OTUD7B: variants seen among roughly 807,000 people sequenced by gnomAD.
The protein encoded by OTUD7B is OTU domain-containing protein 7B.
OTUD7B carries 34 observed loss-of-function variants against 82.2 expected under a neutral mutation model. The ratio of observed to expected loss-of-function variants is 0.41; its 90% CI spans 0.31 to 0.55. OTUD7B has a LOEUF of 0.55. Among genes scored for constraint, OTUD7B ranks in the 20% least tolerant of loss-of-function variants. OTUD7B has a pLI of 0.20. For synonymous variants in OTUD7B, 398 were observed against 402.7 expected (o/e 0.99, Z 0.14); for missense variants, 944 against 1,062.1 (o/e 0.89, Z 1.55).
the OTUD7B span, among the ~76,000 whole-genome samples, chr1:150,037,605 T>G: frequency 1.1e-3 from 175 of 152,256 alleles, no homozygotes; most frequent in African/African-American, 4.0e-3. Context: ...TTTTTTTATT[T>G]TCTAGATTGA....
Position 149,944,304 on chromosome 1 carries a change from G to A in OTUD7B, c.2085C>T (p.Asp695=), listed in dbSNP as rs369120563. The change falls in exon 12 of 12, where the codon GAC becomes GAT. Residue 695 remains aspartate (D), a synonymous_variant. Coordinates refer to ENST00000581312, the MANE Select transcript of OTUD7B (RefSeq NM_020205.4). ...CCCCAGACGGCCGAGGGATAGTAAA[G>A]TCCCCAGGGTAGCCAGTGGAAAATG... ...AMAFSTGYPG[D]FTIPRPSGGG... is the part of the protein sequence containing the mutation. The A allele has an allele frequency of 1.2e-6, 2 of 1,610,786 alleles. No homozygotes were observed. Among genetic ancestry groups the A allele is most frequent in the African/African-American group, 2.7e-5 (2 of 74,972 alleles).
intron 11 of OTUD7B, 114 bp downstream of exon 11, chr1:149,947,136 GA>G (rs1647815569): frequency 3.4e-6 from 2 of 581,664 alleles, no homozygotes; most frequent in Non-Finnish European, 3.2e-6. Flanking sequence ...TTCTAACCTT[GA>G]ATTGTAAGCC....
intron 2 of OTUD7B, among the ~76,000 whole-genome samples, chr1:149,974,536 T>TC (rs1394686467): frequency 6.8e-6 from 1 of 147,422 alleles, no homozygotes; most frequent in African/African-American, 2.5e-5. Context: ...TTTCTTCTTT[T>TC]TTTTTCTTAG....
intron 1 of OTUD7B, among the ~76,000 whole-genome samples, chr1:150,005,692 C>A: frequency 6.6e-6 from 1 of 151,050 alleles, no homozygotes. Flanking sequence ...TACTTTCAAA[C>A]AACTTTCCTA....
chr1:149,985,991 A>C (rs1651107198), intron 1 of OTUD7B, among the ~76,000 whole-genome samples: 1 of 152,014 alleles, frequency 6.6e-6, no homozygotes, highest in African/African-American at 2.4e-5. Flanking sequence ...CATTTGCAAA[A>C]GTTCTCTGAC....
chr1:150,046,854 T>C, the OTUD7B span, among the ~76,000 whole-genome samples: 4 of 151,756 alleles, frequency 2.6e-5, no homozygotes, highest in Admixed American at 2.6e-4. Flanking sequence ...GCAGATCACT[T>C]GAGGTCAGGA....
At chr1:150,040,759 G>A in the OTUD7B span, among the ~76,000 whole-genome samples, 1 of 148,630 alleles carries the variant, frequency 6.7e-6, no homozygotes, top group Non-Finnish European at 1.5e-5. Context: ...GCCCAGGCTG[G>A]AGTGCAATGG....
At chr1:149,994,899 T>A (rs1559862139) in intron 1 of OTUD7B, among the ~76,000 whole-genome samples, 1 of 152,178 alleles carries the variant, frequency 6.6e-6, no homozygotes. Flanking sequence ...TCCCTGTAAA[T>A]TATCCCCTTA....
At chr1:150,004,980 A>C (rs1553785772) in intron 1 of OTUD7B, among the ~76,000 whole-genome samples, 1 of 152,054 alleles carries the variant, frequency 6.6e-6, no homozygotes, top group South Asian at 2.1e-4. Flanking sequence ...CTCCTGCCTC[A>C]GCCTCCTGAG....
chr1:150,039,332 C>T, the OTUD7B span, among the ~76,000 whole-genome samples: 9 of 151,972 alleles, frequency 5.9e-5, no homozygotes, highest in African/African-American at 2.2e-4. Flanking sequence ...TTACCATAAT[C>T]ATAAGACTGA....
At chr1:150,028,916 T>C in the OTUD7B span, among the ~76,000 whole-genome samples, 13 of 152,232 alleles carry the variant, frequency 8.5e-5, no homozygotes, top group Non-Finnish European at 1.5e-4. Flanking sequence ...CCTAGCATAA[T>C]GTCCTCAAGG....
intron 11 of OTUD7B, 115 bp from the exon 12 acceptor site, chr1:149,945,180 T>C (rs1269090034): frequency 3.6e-6 from 5 of 1,372,586 alleles, no homozygotes; most frequent in African/African-American, 1.5e-5. Context: ...GCCATGGCTA[T>C]AGAAATTAGC....
At chr1:150,037,415 C>A in the OTUD7B span, among the ~76,000 whole-genome samples, 2 of 152,000 alleles carry the variant, frequency 1.3e-5, no homozygotes, top group African/African-American at 4.8e-5. Flanking sequence ...AAAAGATACA[C>A]GACATTTTGA....
chr1:150,052,382 C>T, the OTUD7B span, among the ~76,000 whole-genome samples: 7 of 152,278 alleles, frequency 4.6e-5, no homozygotes, highest in South Asian at 1.2e-3. Flanking sequence ...AACAGTCAAG[C>T]TGAGAGCCAA....
rs781887438 is a variant in OTUD7B at position 149,944,128 on chromosome 1, T to G, written c.2261A>C (p.His754Pro). 4 of 1,613,832 alleles carry G rather than the reference T, an allele frequency of 2.5e-6. No individual in the cohort carries two copies. The highest frequency in any genetic ancestry group is 3.4e-6 in the Non-Finnish European group (4 of 1,179,926). ...DSIPSLEPGS[H>P]SKDGLHRGAL... ...ACCCCTGTGAAGTCCATCCTTAGAG[T>G]GGCTGCCTGGCTCCAGAGAAGGGAT... The change falls in exon 12 of 12, where the codon CAC (histidine) becomes CCC (proline). Residue 754 changes from histidine (H) to proline (P), a missense_variant. This residue lies in a region of OTUD7B where 412 missense variants were observed against 418.7 expected (regional missense o/e 0.98). Coordinates refer to ENST00000581312, the MANE Select transcript of OTUD7B (RefSeq NM_020205.4).
chr1:150,055,056 G>A, the OTUD7B span: 1 of 49,458 alleles, frequency 2.0e-5, no homozygotes, highest in Non-Finnish European at 4.1e-5. Context: ...TTTTTTTTTT[G>A]AGACGGAGTC....
intron 1 of OTUD7B, among the ~76,000 whole-genome samples, chr1:150,005,486 C>T (rs1479385621): frequency 6.6e-6 from 1 of 151,780 alleles, no homozygotes; most frequent in African/African-American, 2.4e-5. Flanking sequence ...AATCTCCTGA[C>T]TCAAGAAGTA....
the OTUD7B span, among the ~76,000 whole-genome samples, chr1:150,037,714 C>T: frequency 8.6e-5 from 13 of 151,932 alleles, no homozygotes; most frequent in African/African-American, 2.7e-4. Context: ...CTCAGCCTCC[C>T]GCGTAGTTGG....
chr1:149,984,664 T>C (rs1256157682), intron 1 of OTUD7B, among the ~76,000 whole-genome samples: 1 of 152,178 alleles, frequency 6.6e-6, no homozygotes, highest in Admixed American at 6.6e-5. Context: ...CTGGGAATCA[T>C]ACAGGCACTT....
Sources: gnomAD v4.1 joint callset for allele counts (sites outside exome capture counted in the v4.1 genomes callset) on GRCh38, gnomAD v4.1.1 for gene constraint, gnomAD v4.1.1 regional missense constraint, MANE v1.5 for transcripts, NCBI Gene and HGNC (gene_info 2026-07-23, HGNC 2026-07-21) for gene names.